Variants in NUP98 observed in about 807,000 individuals in gnomAD.
NUP98 encodes nuclear pore complex protein Nup98-Nup96.
NUP98 carries 26 observed loss-of-function variants against 191.9 expected under a neutral mutation model. That is an observed-to-expected ratio of 0.14 (90% CI 0.10 to 0.19). The LOEUF (loss-of-function observed/expected upper bound fraction) is 0.19. Ranked by LOEUF, NUP98 falls within the 10% of genes least tolerant of loss-of-function variation. The probability of loss-of-function intolerance (pLI) is 1.00; values close to 1 mark genes in which losing one functional copy is unlikely to be tolerated. For missense variants in NUP98, 1,941 were observed against 2,178.8 expected (o/e 0.89, Z 2.17); for synonymous variants, 808 against 778.4 (o/e 1.04, Z -0.63).
chr11:3,725,075 G>A (rs1212757329), intron 15 of NUP98, 28 bp downstream of exon 15: 2 of 1,007,436 alleles, frequency 2.0e-6, no homozygotes, highest in Non-Finnish European at 3.1e-6. Flanking sequence ...TCTCTACTAA[G>A]AAGAACTCAA....
At chr11:3,724,514 G>A (rs2079537009) in intron 15 of NUP98, among the ~76,000 whole-genome samples, 1 of 151,712 alleles carries the variant, frequency 6.6e-6, no homozygotes, top group African/African-American at 2.4e-5. Context: ...GTACAAGGCT[G>A]GGCACGGTGG....
chr11:3,782,280 T>C (rs761304683), intron 1 of NUP98, 135 bp from the exon 2 acceptor site: 6 of 507,950 alleles, frequency 1.2e-5, no homozygotes, highest in African/African-American at 2.0e-5. Context: ...CCTCAAACTG[T>C]ATGATAAAAT....
intron 28 of NUP98, 71 bp downstream of exon 28, chr11:3,691,276 A>T: frequency 1.9e-6 from 3 of 1,557,800 alleles, no homozygotes; most frequent in Non-Finnish European, 2.6e-6. Flanking sequence ...TAAAAGGGAA[A>T]GGACGCAGCA....
At chr11:3,723,493 G>A (rs374642370) in intron 15 of NUP98, 38 bp from the exon 16 acceptor site, 3 of 1,558,068 alleles carry the variant, frequency 1.9e-6, no homozygotes, top group African/African-American at 1.4e-5. Context: ...GCCTCTTGTA[G>A]TAGTAATAAC....
chr11:3,778,216 A>G lies in NUP98; in HGVS notation c.355+657T>C, dbSNP rs927322485. Among the ~76,000 whole-genome samples, 7 of 148,426 alleles carry G rather than the reference A, an allele frequency of 4.7e-5. No individual in the cohort carries two copies. The South Asian group carries it at 1.3e-3, about 27-fold the overall frequency. Reference sequence around the variant, plus strand: ...TCCATCTCAAAAAAAAAAAAAAAAAAAAAAGAAAGAAAGAAAATACTGATG... The same window carrying G: ...TCCATCTCAAAAAAAAAAAAAAAAAGAAAAGAAAGAAAGAAAATACTGATG... On this transcript the variant is annotated intron_variant, in intron 4 of 32. Transcript: ENST00000324932.
intron 11 of NUP98, among the ~76,000 whole-genome samples, chr11:3,750,404 C>T (rs75999737): frequency 1.3e-5 from 2 of 152,036 alleles, no homozygotes; most frequent in Admixed American, 6.6e-5. Context: ...CTCTAAATAG[C>T]GTTTTTCAAA....
At chr11:3,695,642 A>C in intron 25 of NUP98, 36 bp from the exon 26 acceptor site, 7 of 1,469,324 alleles carry the variant, frequency 4.8e-6, no homozygotes, top group Non-Finnish European at 6.4e-6. Context: ...GTTATTACTA[A>C]GGGTTTATGG....
At chr11:3,734,908 A>G (rs1434218362) in intron 13 of NUP98, among the ~76,000 whole-genome samples, 1 of 152,188 alleles carries the variant, frequency 6.6e-6, no homozygotes, top group Non-Finnish European at 1.5e-5. Context: ...AAACTTAAAA[A>G]AAGTTGTTTT....
At chr11:3,685,844 T>C (rs2078118069) in intron 29 of NUP98, 129 bp downstream of exon 29, 2 of 711,528 alleles carry the variant, frequency 2.8e-6, no homozygotes, top group African/African-American at 3.5e-5. Context: ...TCTTGAGGTT[T>C]ATCACAACGC....
rs1482084715 is a variant in NUP98, at chr11:3,695,072, AG to A, written c.4167+376del. ...CAGCTACTTGGGAGGCTCAGGTGAGAGGATCACTTGAACTTAGGAGATGGAG... is the reference window on the plus strand; with the variant it reads ...CAGCTACTTGGGAGGCTCAGGTGAGAGATCACTTGAACTTAGGAGATGGAG... On this transcript the variant is annotated intron_variant, in intron 26 of 32. Coordinates refer to ENST00000324932, the MANE Select transcript of NUP98 (RefSeq NM_016320.5). Among the ~76,000 whole-genome samples the A allele has an allele frequency of 8.5e-5, 13 of 152,300 alleles. No individual in the cohort carries two copies. In the South Asian group the frequency reaches 2.3e-3, roughly 27 times the overall value.
chr11:3,782,847 C>T (rs779072787), intron 1 of NUP98, among the ~76,000 whole-genome samples: 7 of 152,028 alleles, frequency 4.6e-5, no homozygotes, highest in Non-Finnish European at 1.0e-4. Flanking sequence ...CGCAAACCAC[C>T]GCACCCGGCC....
intron 8 of NUP98, among the ~76,000 whole-genome samples, 174 bp downstream of exon 8, chr11:3,768,407 C>T (rs1216407810): frequency 4.1e-5 from 6 of 145,956 alleles, no homozygotes; most frequent in Middle Eastern, 6.9e-3. Flanking sequence ...GGTGACAGAG[C>T]GAGACTCCAT....
chr11:3,789,501 C>CTTTTTTTTTTTTTTTTTT (rs914589009), intron 1 of NUP98, among the ~76,000 whole-genome samples: 4 of 123,066 alleles, frequency 3.3e-5, no homozygotes, highest in Middle Eastern at 4.5e-3. Context: ...TTACCTATTT[C>CTTTTTTTTTTTTTTTTTT]TTTTTTTTTT....
chr11:3,779,974 A>G (rs1410236898), intron 2 of NUP98, among the ~76,000 whole-genome samples: 1 of 152,150 alleles, frequency 6.6e-6, no homozygotes, highest in African/African-American at 2.4e-5. Context: ...CTAAAAATTC[A>G]GAAAAATTAG....
chr11:3,781,227 A>G (rs1267862630), intron 2 of NUP98, among the ~76,000 whole-genome samples: 7 of 151,598 alleles, frequency 4.6e-5, no homozygotes, highest in Non-Finnish European at 1.0e-4. Flanking sequence ...CAATTAGAGA[A>G]AAGTTTCTGG....
chr11:3,771,891 C>T lies in NUP98; in HGVS notation c.641G>A (p.Gly214Asp). Residue 214 changes from glycine (G) to aspartate (D), a missense_variant, in exon 7 of 33, where the codon GGC becomes GAC. Coordinates refer to ENST00000324932, the MANE Select transcript of NUP98 (RefSeq NM_016320.5). ...ACCTGCTCCCACCTGGTTCTGTGGGCCCTTCCTGTTAGCCTGATAATCCTC... is the reference window on the plus strand; with the variant it reads ...ACCTGCTCCCACCTGGTTCTGTGGGTCCTTCCTGTTAGCCTGATAATCCTC... ...RLEDYQANRK[G>D]PQNQVGAGTT... 6.2e-7 allele frequency: 1 copy of T among 1,614,064 alleles called. No individual in the cohort carries two copies. Among genetic ancestry groups the T allele is most frequent in the Non-Finnish European group, 8.5e-7 (1 of 1,179,986 alleles).
chr11:3,714,409 G>A (rs906502452), intron 18 of NUP98, among the ~76,000 whole-genome samples: 17 of 152,170 alleles, frequency 1.1e-4, no homozygotes, highest in African/African-American at 3.4e-4. Flanking sequence ...AGAAAATGAA[G>A]TATCAGGAAT....
intron 1 of NUP98, among the ~76,000 whole-genome samples, chr11:3,796,783 T>C (rs1432230683): frequency 6.6e-6 from 1 of 152,176 alleles, no homozygotes; most frequent in African/African-American, 2.4e-5. Flanking sequence ...GTAGGGGGAT[T>C]GACTTAAACA....
chr11:3,700,828 G>T lies in NUP98; in HGVS notation c.3524C>A (p.Ser1175Tyr). Residue 1175 changes from serine to tyrosine, a missense_variant, in exon 24 of 33, where the codon TCC becomes TAC. By Grantham distance (144) the Ser-to-Tyr change is moderately radical (BLOSUM62 -2). This residue lies in a region of NUP98 where 1,030 missense variants were observed against 1,115.8 expected (regional missense o/e 0.92). Transcript: ENST00000324932. ...TTTTTCTAAGTGAACTTTGAATGGGGACTCAGTTAGGCTACAAGAGCAAAT... is the reference window on the plus strand; with the variant it reads ...TTTTTCTAAGTGAACTTTGAATGGGTACTCAGTTAGGCTACAAGAGCAAAT... ...NPVAVKPLTE[S>Y]PFKVHLEKLS... The T allele has an allele frequency of 6.2e-7, 1 of 1,612,782 alleles. No individual in the cohort carries two copies. The highest frequency in any genetic ancestry group is 1.7e-4 in the Middle Eastern group (1 of 6,060).
Sources: gnomAD v4.1 joint callset for allele counts (sites outside exome capture counted in the v4.1 genomes callset) on GRCh38, gnomAD v4.1.1 for gene constraint, gnomAD v4.1.1 regional missense constraint, MANE v1.5 for transcripts, NCBI Gene and HGNC (gene_info 2026-07-23, HGNC 2026-07-21) for gene names.